ACRBP: variants seen among roughly 807,000 people sequenced by gnomAD.
ACRBP encodes the protein acrosin binding protein.
A neutral mutation model predicts 69.0 loss-of-function variants in ACRBP; 52 were observed. The ratio of observed to expected loss-of-function variants is 0.75; its 90% CI spans 0.60 to 0.95. The LOEUF is 0.95. Ranked by LOEUF, ACRBP falls within the 40% of genes least tolerant of loss-of-function variation. ACRBP has a pLI of 0.00. For synonymous variants in ACRBP, 267 were observed against 258.9 expected (o/e 1.03, Z -0.30); for missense variants, 604 against 673.0 (o/e 0.90, Z 1.13).
Position 6,647,305 on chromosome 12 carries a change from G to C in ACRBP, c.43+19C>G. ...ACTAGCCCGGGGAGAGTCTGTTGGA[G>C]CAGGTGTAAACCTCTCACCCTTCAG... On this transcript the variant is annotated intron_variant, in intron 1 of 9. Transcript: ENST00000229243. 1 of 1,549,338 alleles carries C rather than the reference G, an allele frequency of 6.5e-7. No homozygotes were observed. Among genetic ancestry groups the C allele is most frequent in the South Asian group, 1.2e-5 (1 of 83,566 alleles).
chr12:6,644,540 G>A lies in ACRBP; in HGVS notation c.541C>T (p.Gln181Ter), dbSNP rs1949074930. ...RLSNNVEELL[Q>*]SSLSLGGQEQ... ...TGGCCTCCCAGGGACAAGGAGGATT[G>A]TAGGAGCTCTTCCACGTTGTTGCTG... The change falls in exon 5 of 10, where the codon CAA (glutamine) becomes TAA (stop). Residue 181 changes from glutamine (Q) to a stop codon, truncating the protein, a stop_gained. Coordinates refer to ENST00000229243, the MANE Select transcript of ACRBP (RefSeq NM_032489.3). LOFTEE classifies it high-confidence loss of function. 1 of 1,614,056 alleles carries A rather than the reference G, an allele frequency of 6.2e-7. No homozygotes were observed. The highest frequency in any genetic ancestry group is 8.5e-7 in the Non-Finnish European group (1 of 1,180,008).
chr12:6,638,895 G>A, intron 9 of ACRBP, 59 bp downstream of exon 9: 1 of 1,603,200 alleles, frequency 6.2e-7, no homozygotes, highest in Non-Finnish European at 8.5e-7. Context: ...GAATAGACCA[G>A]TTATGGTGAC....
chr12:6,640,628 C>T lies in ACRBP; in HGVS notation c.1078-106G>A, dbSNP rs1237523379. The T allele has an allele frequency of 3.9e-6, 5 of 1,286,150 alleles. No individual in the cohort carries two copies. The highest frequency in any genetic ancestry group is 1.5e-5 in the South Asian group (1 of 67,984). 79.7% of individuals were successfully genotyped at this position (1,286,150 alleles called of 1,614,324 possible). ...CCTGCAGAATGTCTTTGCATTTAGCCTCTTCCAAAAGCTTCTCTGGGTTTT... is the reference window on the plus strand; with the variant it reads ...CCTGCAGAATGTCTTTGCATTTAGCTTCTTCCAAAAGCTTCTCTGGGTTTT... On this transcript the variant is annotated intron_variant, in intron 6 of 9. Coordinates refer to ENST00000229243, the MANE Select transcript of ACRBP (RefSeq NM_032489.3). This position sits in a 1 kb window ranked among gnomAD's most constrained non-coding sequence, Gnocchi z 5.3.
chr12:6,647,137 G>A (rs1949096314), intron 1 of ACRBP, 125 bp from the exon 2 acceptor site: 1 of 1,108,528 alleles, frequency 9.0e-7, no homozygotes, highest in East Asian at 2.6e-5. Flanking sequence ...ACCAGGGCGG[G>A]GGGAGTCTAG....
Position 6,640,865 on chromosome 12 carries a change from C to T in ACRBP, c.1078-343G>A, listed in dbSNP as rs924499763. 3.9e-5 allele frequency among the ~76,000 whole-genome samples: 6 copies of T among 152,168 alleles called. No individual in the cohort carries two copies. Among genetic ancestry groups the T allele is most frequent in the African/African-American group, 1.4e-4 (6 of 41,430 alleles). ...GTGATTGGGTGATCTTACAGATACCCCAACTTAGCCTATCTGAAAAGAACT... is the reference window on the plus strand; with the variant it reads ...GTGATTGGGTGATCTTACAGATACCTCAACTTAGCCTATCTGAAAAGAACT... On this transcript the variant is annotated intron_variant, in intron 6 of 9. Transcript: ENST00000229243. This position sits in a 1 kb window ranked among gnomAD's most constrained non-coding sequence, Gnocchi z 5.3.
At chr12:6,639,138 G>T in intron 8 of ACRBP, 101 bp from the exon 9 acceptor site, 1 of 1,090,506 alleles carries the variant, frequency 9.2e-7, no homozygotes, top group Non-Finnish European at 1.4e-6. Context: ...GGCAGGGTGT[G>T]GCCCAAGACC....
At chr12:6,645,411 C>T in intron 3 of ACRBP, 74 bp from the exon 4 acceptor site, 1 of 1,155,204 alleles carries the variant, frequency 8.7e-7, no homozygotes, top group Admixed American at 1.8e-5. Flanking sequence ...TCTTCAACCC[C>T]TTTTCCAGCA....
chr12:6,644,261 C>G lies in ACRBP; in HGVS notation c.820G>C (p.Glu274Gln). Reference protein sequence around the residue: ...NPSSFAPRVREVESTPMIMEN... With the variant: ...NPSSFAPRVRQVESTPMIMEN... ...ATTATCATAGGAGTAGACTCTACTT[C>G]TCGTACCCGGGGAGCAAAAGAGGAA... Residue 274 changes from glutamate to glutamine, a missense_variant, in exon 5 of 10, where the codon GAA becomes CAA. By Grantham distance (29) the Glu-to-Gln change is conservative. Coordinates refer to ENST00000229243, the MANE Select transcript of ACRBP (RefSeq NM_032489.3). 1 of 1,614,166 alleles carries G rather than the reference C, an allele frequency of 6.2e-7. No individual in the cohort carries two copies. Among genetic ancestry groups the G allele is most frequent in the Admixed American group, 1.7e-5 (1 of 60,004 alleles).
chr12:6,642,409 T>C (rs1949059474), intron 6 of ACRBP, among the ~76,000 whole-genome samples: 1 of 152,226 alleles, frequency 6.6e-6, no homozygotes, highest in Non-Finnish European at 1.5e-5. Flanking sequence ...ATGTTTTTTG[T>C]GTATCTACTC....
At chr12:6,641,978 T>A (rs1178208548) in intron 6 of ACRBP, among the ~76,000 whole-genome samples, 1 of 152,226 alleles carries the variant, frequency 6.6e-6, no homozygotes, top group Admixed American at 6.5e-5. Context: ...CCCCTTCTTT[T>A]GCCTGGATTC....
chr12:6,638,567 G>A, intron 9 of ACRBP, 163 bp from the exon 10 acceptor site: 3 of 1,236,292 alleles, frequency 2.4e-6, no homozygotes, highest in South Asian at 1.4e-5. Flanking sequence ...TAAAGCCAGA[G>A]GAGACATCAA....
At chr12:6,639,979 A>G in intron 8 of ACRBP, 81 bp downstream of exon 8, 1 of 1,526,056 alleles carries the variant, frequency 6.6e-7, no homozygotes, top group East Asian at 2.3e-5. Context: ...CCTTCCACAA[A>G]CTAGCGCTAC....
Position 6,647,423 on chromosome 12 carries a change from C to T in ACRBP, c.-57G>A. 6.8e-7 allele frequency: 1 copy of T among 1,463,778 alleles called. No homozygotes were observed. Among genetic ancestry groups the T allele is most frequent in the Non-Finnish European group, 9.1e-7 (1 of 1,099,364 alleles). The allele number at this position is 1,463,778 out of a possible 1,614,324, so 90.7% of individuals were successfully genotyped here. A position where few individuals can be genotyped will look rare whatever the true frequency, so the allele number is the denominator to read the frequency against. On this transcript the variant is annotated 5_prime_UTR_variant, in exon 1 of 10. Transcript: ENST00000229243. ...CACAAGCCGCCTCTAACGGGCCAAG[C>T]CGCAGAGAGAGCCGCAGGCGCGGGG...
intron 6 of ACRBP, among the ~76,000 whole-genome samples, chr12:6,641,321 T>C (rs933952808): frequency 6.6e-6 from 1 of 152,204 alleles, no homozygotes; most frequent in African/African-American, 2.4e-5. Flanking sequence ...TCCTCCCCCA[T>C]GGGCACAGCC....
chr12:6,638,720 G>A, intron 9 of ACRBP: 1 of 1,429,426 alleles, frequency 7.0e-7, no homozygotes, highest in South Asian at 1.5e-5. Context: ...GGTTCTTCCT[G>A]TGGTGCTCTT....
chr12:6,641,873 C>A (rs1315681050), intron 6 of ACRBP, among the ~76,000 whole-genome samples: 1 of 152,118 alleles, frequency 6.6e-6, no homozygotes, highest in African/African-American at 2.4e-5. Context: ...CATGGCGAGA[C>A]CCTGTCTCTA....
At chr12:6,643,069 A>G (rs1949064174) in intron 6 of ACRBP, among the ~76,000 whole-genome samples, 2 of 152,098 alleles carry the variant, frequency 1.3e-5, no homozygotes. Flanking sequence ...ATGGGCAACA[A>G]AGGGAGACCC....
rs1565392253 is a variant in ACRBP at position 6,643,542 on chromosome 12, C to A, written c.1074G>T (p.Lys358Asn). The change falls in exon 6 of 10, where the codon AAG (lysine) becomes AAT (asparagine). Residue 358 changes from lysine (K) to asparagine (N), a missense_variant. By Grantham distance (94) the Lys-to-Asn change is moderately conservative (BLOSUM62 0). Around this residue, in one of 3 missense-constraint regions of ACRBP, gnomAD observed 532 missense variants for 562.9 expected, o/e 0.95. Coordinates refer to ENST00000229243, the MANE Select transcript of ACRBP (RefSeq NM_032489.3). ...YMEEEILGFG[K>N]SVCDSLGRRH... Reference sequence around the variant, plus strand: ...TTAGACAGTATGGCTGGCATACCGACTTCCCGAAACCAAGGATCTCCTCCT... The same window carrying A: ...TTAGACAGTATGGCTGGCATACCGAATTCCCGAAACCAAGGATCTCCTCCT... 1.9e-6 allele frequency: 3 copies of A among 1,614,172 alleles called. No individual in the cohort carries two copies. Among genetic ancestry groups the A allele is most frequent in the African/African-American group, 1.3e-5 (1 of 75,062 alleles).
intron 3 of ACRBP, among the ~76,000 whole-genome samples, chr12:6,645,939 C>T (rs1375298007): frequency 2.6e-5 from 4 of 151,506 alleles, no homozygotes; most frequent in Admixed American, 6.6e-5. Context: ...GGATTACAGG[C>T]GTGAGCCACC....
Sources: allele counts gnomAD v4.1 joint callset (sites outside exome capture counted in the v4.1 genomes callset), GRCh38; gene constraint gnomAD v4.1.1; regional missense constraint gnomAD v4.1.1; non-coding constraint Gnocchi (gnomAD v3.1); transcripts MANE v1.5; gene names NCBI Gene and HGNC (gene_info 2026-07-23, HGNC 2026-07-21).